The following CCDC91 variants were observed in gnomAD, a reference collection of about 807,000 sequenced individuals.
CCDC91 encodes the protein coiled-coil domain-containing protein 91.
Under a neutral mutation model 63.2 loss-of-function variants are expected in CCDC91, and 48 were observed. The ratio of observed to expected loss-of-function variants is 0.76; its 90% confidence interval spans 0.60 to 0.97. The LOEUF (loss-of-function observed/expected upper bound fraction) is 0.97, where lower values mean the gene tolerates loss of function less well. Among genes scored for constraint, CCDC91 ranks in the 50% least tolerant of loss-of-function variants. The pLI, the probability that CCDC91 is intolerant of heterozygous loss-of-function variation, is 0.00. For synonymous variants in CCDC91, 167 were observed against 165.8 expected (o/e 1.01, Z -0.06); for missense variants, 500 against 494.6 (o/e 1.01, Z -0.10).
chr12:28,305,135 T>C (rs950125863), intron 3 of CCDC91, among the ~76,000 whole-genome samples: 14 of 152,124 alleles, frequency 9.2e-5, no homozygotes, highest in African/African-American at 3.4e-4. Context: ...TTACTTATTT[T>C]ATTGTAATAA....
chr12:28,463,023 A>G (rs1950382517), intron 11 of CCDC91, among the ~76,000 whole-genome samples: 1 of 152,214 alleles, frequency 6.6e-6, no homozygotes, highest in East Asian at 1.9e-4. Context: ...AGTATTTCCT[A>G]TATACATGAC....
intron 1 of CCDC91, chr12:28,256,191 G>A (rs546352812): frequency 1.3e-5 from 2 of 152,136 alleles, no homozygotes; most frequent in Non-Finnish European, 2.9e-5. Flanking sequence ...TGTCATGGGG[G>A]TTTGTTGTAC....
chr12:28,365,309 G>A (rs1944202982), intron 7 of CCDC91, among the ~76,000 whole-genome samples: 1 of 152,088 alleles, frequency 6.6e-6, no homozygotes, highest in African/African-American at 2.4e-5. Flanking sequence ...TTAGTTACCA[G>A]TATTGAAATT....
chr12:28,453,179 T>A (rs879893726), intron 11 of CCDC91, among the ~76,000 whole-genome samples: 1 of 151,998 alleles, frequency 6.6e-6, no homozygotes, highest in African/African-American at 2.4e-5. Flanking sequence ...ATGACCTACA[T>A]GCAGAATAAC....
intron 1 of CCDC91, among the ~76,000 whole-genome samples, chr12:28,251,047 C>A (rs1022198915): frequency 1.3e-4 from 19 of 150,986 alleles, no homozygotes; most frequent in African/African-American, 3.6e-4. Flanking sequence ...AGAAAAAAAA[C>A]CACTTGTCTC....
At chr12:28,225,756 C>T (rs1232445099) in intron 1 of CCDC91, 1 of 152,292 alleles carries the variant, frequency 6.6e-6, no homozygotes, top group Non-Finnish European at 1.5e-5. Flanking sequence ...CACGCCCAGC[C>T]TCCCACTACC....
chr12:28,265,309 A>G (rs948328004), intron 3 of CCDC91, among the ~76,000 whole-genome samples: 11 of 152,028 alleles, frequency 7.2e-5, no homozygotes, highest in Non-Finnish European at 1.6e-4. Flanking sequence ...TTTAATCCAA[A>G]TTAGCTCCTT....
At chr12:28,496,941 TAC>T (rs1565476826) in intron 12 of CCDC91, among the ~76,000 whole-genome samples, 5 of 141,028 alleles carry the variant, frequency 3.5e-5, no homozygotes, top group Admixed American at 7.1e-5. Flanking sequence ...CATATATATA[TAC>T]ATATATATAT....
intron 12 of CCDC91, among the ~76,000 whole-genome samples, chr12:28,507,230 T>A (rs1034969179): frequency 6.6e-6 from 1 of 151,928 alleles, no homozygotes; most frequent in African/African-American, 2.4e-5. Flanking sequence ...ATCTTAGTAA[T>A]CCCAAGAATG....
intron 11 of CCDC91, among the ~76,000 whole-genome samples, chr12:28,481,584 A>G (rs1391439080): frequency 3.9e-5 from 6 of 152,034 alleles, no homozygotes; most frequent in Non-Finnish European, 1.5e-5. Flanking sequence ...TTCACATACC[A>G]CTTGCATACA....
intron 3 of CCDC91, among the ~76,000 whole-genome samples, chr12:28,274,489 C>G (rs1439598218): frequency 6.6e-6 from 1 of 152,092 alleles, no homozygotes; most frequent in African/African-American, 2.4e-5. Context: ...AATGTTCTTC[C>G]ATTTGTTTGT....
chr12:28,323,873 G>A (rs1032158094), intron 6 of CCDC91, among the ~76,000 whole-genome samples: 5 of 151,944 alleles, frequency 3.3e-5, no homozygotes, highest in African/African-American at 1.2e-4. Flanking sequence ...TAGAGTTTCA[G>A]TAGTGAGGGA....
intron 12 of CCDC91, among the ~76,000 whole-genome samples, chr12:28,517,768 CT>C (rs1452959682): frequency 2.0e-5 from 3 of 151,748 alleles, no homozygotes; most frequent in Non-Finnish European, 2.9e-5. Flanking sequence ...AATTTGTAGT[CT>C]TTTATTCCTC....
intron 12 of CCDC91, among the ~76,000 whole-genome samples, chr12:28,540,675 A>G (rs143340304): frequency 1.2e-4 from 18 of 152,220 alleles, no homozygotes; most frequent in South Asian, 4.1e-4. Flanking sequence ...AAATTTGATA[A>G]TACATTGTAG....
chr12:28,199,273 T>G (rs1488827679), intron 1 of CCDC91, among the ~76,000 whole-genome samples: 1 of 150,986 alleles, frequency 6.6e-6, no homozygotes, highest in East Asian at 2.0e-4. Context: ...GACTTACAAA[T>G]AGTACCTTAT....
At chr12:28,400,730 T>A (rs1946570098) in intron 8 of CCDC91, among the ~76,000 whole-genome samples, 1 of 152,136 alleles carries the variant, frequency 6.6e-6, no homozygotes, top group African/African-American at 2.4e-5. Context: ...CCACTAGATA[T>A]GCTAAATCAT....
In CCDC91 at chr12:28,362,418, TA is replaced by T. The variant is rs761503306; in HGVS notation, c.577-19del. ...AAAACAGAAGAAAAACTCATGGTTT[TA>T]GTTTCTTTTTTCTTTCAGGAAAAAC... On this transcript the variant is annotated intron_variant, in intron 6 of 12. Coordinates refer to ENST00000536442, the MANE Select transcript of CCDC91 (RefSeq NM_018318.5). The T allele has an allele frequency of 1.4e-5, 21 of 1,520,340 alleles. No individual in the cohort carries two copies. Among genetic ancestry groups the T allele is most frequent in the Non-Finnish European group, 1.8e-5 (20 of 1,122,762 alleles). 94.2% of individuals were successfully genotyped at this position (1,520,340 alleles called of 1,614,324 possible).
chr12:28,371,589 G>T (rs1460951289), intron 7 of CCDC91, among the ~76,000 whole-genome samples: 1 of 152,082 alleles, frequency 6.6e-6, no homozygotes, highest in Non-Finnish European at 1.5e-5. Flanking sequence ...TTAAACAATT[G>T]CTTTTTAAAT....
At position 28,514,460 on chromosome 12, in the gene CCDC91, TTTTG is replaced by T. The variant is rs537740539; in HGVS notation, c.1215+30303_1215+30306del. Among the ~76,000 whole-genome samples, 659 of 151,540 alleles carry T rather than the reference TTTTG, an allele frequency of 4.3e-3. 4 individuals are homozygous for T. The highest frequency in any genetic ancestry group is 8.0e-3 in the Non-Finnish European group (544 of 67,740). Reference sequence around the variant, plus strand: ...TGTGCAGAACCTCTTTAGTTTTTTTTTTTGTTTGTTTTTTGTTTTGTTTTAGTTT... The same window carrying T: ...TGTGCAGAACCTCTTTAGTTTTTTTTTTTGTTTTTTGTTTTGTTTTAGTTT... On this transcript the variant is annotated intron_variant, in intron 12 of 12. Coordinates refer to ENST00000536442, the MANE Select transcript of CCDC91 (RefSeq NM_018318.5).
Sources: allele counts gnomAD v4.1 joint callset (sites outside exome capture counted in the v4.1 genomes callset), GRCh38; gene constraint gnomAD v4.1.1; transcripts MANE v1.5; gene names NCBI Gene and HGNC (gene_info 2026-07-23, HGNC 2026-07-21).